CFAP299: variants seen among roughly 807,000 people sequenced by gnomAD.
CFAP299 encodes cilia- and flagella-associated protein 299.
In CFAP299, 21 loss-of-function variants were observed where a neutral mutation model predicts 27.0. The observed-to-expected ratio is 0.78, with a 90% confidence interval of 0.55 to 1.12. The LOEUF (loss-of-function observed/expected upper bound fraction) is 1.12, where lower values mean the gene tolerates loss of function less well. Among genes scored for constraint, CFAP299 ranks in the 50% most tolerant of loss-of-function variants. The pLI, the probability that CFAP299 is intolerant of heterozygous loss-of-function variation, is 0.00. For missense variants in CFAP299, 310 were observed against 276.6 expected, an observed-to-expected ratio of 1.12 and a Z score of -0.86; for synonymous variants, 104 against 98.1, an observed-to-expected ratio of 1.06 and a Z score of -0.36.
intron 2 of CFAP299, among the ~76,000 whole-genome samples, chr4:80,522,957 T>C (rs1732995360): frequency 6.6e-6 from 1 of 152,178 alleles, no homozygotes; most frequent in Admixed American, 6.6e-5. Flanking sequence ...TTCTTCTTTC[T>C]CAAGGTTGTT....
intron 3 of CFAP299, among the ~76,000 whole-genome samples, chr4:80,684,816 T>C (rs1720082068): frequency 6.6e-6 from 1 of 152,234 alleles, no homozygotes; most frequent in African/African-American, 2.4e-5. Context: ...AATGTACATC[T>C]TTCTGTATAT....
At chr4:80,490,493 CCT>C (rs1465930647) in intron 2 of CFAP299, among the ~76,000 whole-genome samples, 3 of 152,172 alleles carry the variant, frequency 2.0e-5, no homozygotes, top group Admixed American at 2.0e-4. Context: ...ACAGAAAGCT[CCT>C]CTGTCTTGTT....
chr4:80,408,349 G>C (rs1452176068), intron 2 of CFAP299, among the ~76,000 whole-genome samples: 1 of 152,090 alleles, frequency 6.6e-6, no homozygotes, highest in African/African-American at 2.4e-5. Context: ...CTTGATTTAT[G>C]TTCCGAATCA....
At chr4:80,827,757 A>G (rs1411008870) in intron 3 of CFAP299, among the ~76,000 whole-genome samples, 1 of 151,956 alleles carries the variant, frequency 6.6e-6, no homozygotes, top group Non-Finnish European at 1.5e-5. Context: ...GGAGGAATAA[A>G]ATTATCTCTG....
chr4:80,863,723 TA>T (rs1732523441), intron 3 of CFAP299, among the ~76,000 whole-genome samples: 2 of 152,226 alleles, frequency 1.3e-5, no homozygotes, highest in South Asian at 4.1e-4. Flanking sequence ...GTGATTTTTT[TA>T]ATGCTTTTGT....
At position 80,362,761 on chromosome 4, in the gene CFAP299, C is replaced by A. The variant is rs1478741209; in HGVS notation, c.119C>A (p.Thr40Asn). ...AACTGATTTTCTCTCTAGGATGAAA[C>A]CCTGGCCCGCCAGTTGGTGGAGCTA... ...TVDLYYLEDE[T>N]LARQLVELGY... The change falls in exon 2 of 6, where the codon ACC becomes AAC. Residue 40 changes from threonine (T) to asparagine (N), a missense_variant. Thr to Asn is a moderately conservative substitution (Grantham distance 65). Transcript: ENST00000358105. 1.2e-6 allele frequency: 2 copies of A among 1,603,788 alleles called. No individual in the cohort carries two copies. Among genetic ancestry groups the A allele is most frequent in the Non-Finnish European group, 1.7e-6 (2 of 1,177,272 alleles).
chr4:80,709,770 T>C (rs1000615002), intron 3 of CFAP299, among the ~76,000 whole-genome samples: 5 of 152,202 alleles, frequency 3.3e-5, no homozygotes, highest in African/African-American at 1.2e-4. Context: ...CCTGGGGACG[T>C]TACTTCAACA....
At chr4:80,507,846 T>G (rs564254597) in intron 2 of CFAP299, among the ~76,000 whole-genome samples, 1 of 152,284 alleles carries the variant, frequency 6.6e-6, no homozygotes, top group East Asian at 1.9e-4. Context: ...TGTTGTTTCT[T>G]TCACTTAAAA....
chr4:80,402,192 T>C (rs1380123768), intron 2 of CFAP299, among the ~76,000 whole-genome samples: 1 of 152,162 alleles, frequency 6.6e-6, no homozygotes, highest in East Asian at 1.9e-4. Context: ...AATGCTGAAC[T>C]GAGTTAAGAC....
intron 3 of CFAP299, among the ~76,000 whole-genome samples, chr4:80,851,678 T>C (rs1731530000): frequency 6.6e-6 from 1 of 152,050 alleles, no homozygotes; most frequent in South Asian, 2.1e-4. Flanking sequence ...TCAAGTAAGC[T>C]ATAGGGTCAT....
At position 80,942,453 on chromosome 4, in the gene CFAP299, G is replaced by C. The variant is rs541214531; in HGVS notation, c.477-2357G>C. Among the ~76,000 whole-genome samples, 8 of 151,988 alleles carry C rather than the reference G, an allele frequency of 5.3e-5. No homozygotes were observed. In the South Asian group the frequency reaches 1.7e-3, roughly 32 times the overall value. ...TTCATTAGACTTATAACGGTACCTAGCACATGACCATTACTAGATAATTAT... is the reference window on the plus strand; with the variant it reads ...TTCATTAGACTTATAACGGTACCTACCACATGACCATTACTAGATAATTAT... On this transcript the variant is annotated intron_variant, in intron 4 of 5. Coordinates refer to ENST00000358105, the MANE Select transcript of CFAP299 (RefSeq NM_152770.3).
intron 2 of CFAP299, among the ~76,000 whole-genome samples, chr4:80,428,288 G>A (rs1727622511): frequency 6.6e-6 from 1 of 152,012 alleles, no homozygotes; most frequent in Non-Finnish European, 1.5e-5. Context: ...CATTCATTCT[G>A]CTACTATCCC....
intron 2 of CFAP299, among the ~76,000 whole-genome samples, chr4:80,455,684 C>A (rs1729111739): frequency 6.6e-6 from 1 of 151,982 alleles, no homozygotes; most frequent in Non-Finnish European, 1.5e-5. Context: ...GCATGTAGCT[C>A]AAGAGACCAT....
chr4:80,746,103 A>T (rs567268549), intron 3 of CFAP299, among the ~76,000 whole-genome samples: 9 of 152,038 alleles, frequency 5.9e-5, no homozygotes, highest in Non-Finnish European at 1.0e-4. Flanking sequence ...TGGGAATATC[A>T]TGAGAGGCAA....
chr4:80,864,180 C>T (rs1469279595), intron 3 of CFAP299, among the ~76,000 whole-genome samples: 5 of 151,862 alleles, frequency 3.3e-5, no homozygotes, highest in Admixed American at 3.3e-4. Context: ...TTAAATAAAG[C>T]TTTTATTTAA....
At position 80,362,890 on chromosome 4, in the gene CFAP299, T is replaced by C; in HGVS notation, c.242+6T>C. The C allele has an allele frequency of 1.3e-6, 2 of 1,599,690 alleles. No individual in the cohort carries two copies. Among genetic ancestry groups the C allele is most frequent in the Non-Finnish European group, 1.7e-6 (2 of 1,176,130 alleles). On this transcript the variant is annotated splice_donor_region_variant and intron_variant, in intron 2 of 5. Coordinates refer to ENST00000358105, the MANE Select transcript of CFAP299 (RefSeq NM_152770.3). ...GCTGAAAGAGCTCAGCAAAAGTAAG[T>C]GTCCATGTTCCAAATCCAGATTTTA...
At chr4:80,590,743 A>C (rs1281129699) in intron 3 of CFAP299, among the ~76,000 whole-genome samples, 1 of 152,220 alleles carries the variant, frequency 6.6e-6, no homozygotes, top group Non-Finnish European at 1.5e-5. Context: ...TTTTATGATC[A>C]TACTCATGTT....
intron 3 of CFAP299, among the ~76,000 whole-genome samples, chr4:80,731,734 C>A (rs1346600382): frequency 6.6e-6 from 1 of 152,058 alleles, no homozygotes; most frequent in African/African-American, 2.4e-5. Context: ...TGGCCTAAAA[C>A]TATGGAAGTC....
At chr4:80,376,193 A>G (rs1724401179) in intron 2 of CFAP299, among the ~76,000 whole-genome samples, 1 of 151,938 alleles carries the variant, frequency 6.6e-6, no homozygotes, top group South Asian at 2.1e-4. Context: ...TCTTTTTTTC[A>G]CTAATCATAA....
Sources: allele counts gnomAD v4.1 joint callset (sites outside exome capture counted in the v4.1 genomes callset), GRCh38; gene constraint gnomAD v4.1.1; transcripts MANE v1.5; gene names NCBI Gene and HGNC (gene_info 2026-07-23, HGNC 2026-07-21).